Variants in SAV1 observed in about 807,000 individuals in gnomAD.
The protein encoded by SAV1 is protein salvador homolog 1.
In SAV1, 23 loss-of-function variants were observed where a neutral mutation model predicts 47.3. The ratio of observed to expected loss-of-function variants is 0.49; its 90% CI spans 0.35 to 0.69. SAV1 has a LOEUF of 0.69. Among genes scored for constraint, SAV1 ranks in the 30% least tolerant of loss-of-function variants. The probability of loss-of-function intolerance (pLI) is 0.01; values close to 1 mark genes in which losing one functional copy is unlikely to be tolerated. For synonymous variants in SAV1, 155 were observed against 159.2 expected, an observed-to-expected ratio of 0.97 and a Z score of 0.20; for missense variants, 448 against 457.4, an observed-to-expected ratio of 0.98 and a Z score of 0.19.
chr14:50,657,138 G>A (rs529264388), intron 2 of SAV1, among the ~76,000 whole-genome samples: 4 of 151,036 alleles, frequency 2.6e-5, no homozygotes, highest in South Asian at 4.2e-4. Context: ...TGGTTCAAGC[G>A]ATTCTCCTGC....
chr14:50,661,458 A>G (rs1195172811), intron 2 of SAV1, among the ~76,000 whole-genome samples: 1 of 152,154 alleles, frequency 6.6e-6, no homozygotes, highest in Non-Finnish European at 1.5e-5. Context: ...ATATAGTCCC[A>G]TATGTCTATT....
At chr14:50,649,986 A>C (rs1258245122) in intron 2 of SAV1, among the ~76,000 whole-genome samples, 1 of 152,244 alleles carries the variant, frequency 6.6e-6, no homozygotes, top group Non-Finnish European at 1.5e-5. Context: ...TTGGCTGGAA[A>C]CTAAGGCAAA....
chr14:50,640,302 G>A (rs2039670916), intron 4 of SAV1, among the ~76,000 whole-genome samples: 2 of 152,052 alleles, frequency 1.3e-5, no homozygotes, highest in South Asian at 2.1e-4. Flanking sequence ...ATTTTTCTGT[G>A]GAAATGGGGC....
intron 2 of SAV1, among the ~76,000 whole-genome samples, chr14:50,655,509 T>C (rs1445993555): frequency 2.0e-5 from 3 of 149,632 alleles, no homozygotes; most frequent in African/African-American, 7.4e-5. Context: ...CACTGCAACC[T>C]CCACCTCTCA....
At chr14:50,661,419 C>A (rs1037705598) in intron 2 of SAV1, among the ~76,000 whole-genome samples, 1 of 152,158 alleles carries the variant, frequency 6.6e-6, no homozygotes, top group Non-Finnish European at 1.5e-5. Flanking sequence ...TCTGTTGTTT[C>A]CTTTACTGTG....
chr14:50,654,525 C>T (rs1041542530), intron 2 of SAV1, among the ~76,000 whole-genome samples: 1 of 152,182 alleles, frequency 6.6e-6, no homozygotes. Flanking sequence ...CATGAGCAAT[C>T]ACTGATCACA....
chr14:50,639,205 T>C (rs1240942959), intron 4 of SAV1, among the ~76,000 whole-genome samples: 1 of 152,200 alleles, frequency 6.6e-6, no homozygotes, highest in Non-Finnish European at 1.5e-5. Context: ...CTAAATCAAG[T>C]TTTAGAAGTA....
chr14:50,651,032 AAAAG>A (rs1221210170), intron 2 of SAV1, among the ~76,000 whole-genome samples: 4 of 139,650 alleles, frequency 2.9e-5, no homozygotes, highest in Admixed American at 7.5e-5. Flanking sequence ...CAAAAAAAAA[AAAAG>A]AAAGAAAGAA....
At chr14:50,657,223 C>T (rs759142020) in intron 2 of SAV1, among the ~76,000 whole-genome samples, 10 of 151,908 alleles carry the variant, frequency 6.6e-5, no homozygotes, top group Non-Finnish European at 1.2e-4. Context: ...TTAGTAGAGA[C>T]GGGGTTTCAC....
intron 1 of SAV1, among the ~76,000 whole-genome samples, chr14:50,665,885 T>C (rs1335629891): frequency 6.6e-6 from 1 of 152,180 alleles, no homozygotes; most frequent in Non-Finnish European, 1.5e-5. Flanking sequence ...CATACTACCA[T>C]ACATAATATG....
chr14:50,653,593 G>A (rs779743330), intron 2 of SAV1, among the ~76,000 whole-genome samples: 1 of 152,072 alleles, frequency 6.6e-6, no homozygotes, highest in Non-Finnish European at 1.5e-5. Context: ...CTTTACGGCC[G>A]GACACGGTGG....
chr14:50,645,049 G>C, intron 2 of SAV1, 35 bp from the exon 3 acceptor site: 2 of 1,572,284 alleles, frequency 1.3e-6, no homozygotes, highest in Non-Finnish European at 1.7e-6. Flanking sequence ...AGAAGAAACA[G>C]AACAATTATT....
chr14:50,655,097 G>A (rs1566745287), intron 2 of SAV1, among the ~76,000 whole-genome samples: 1 of 152,158 alleles, frequency 6.6e-6, no homozygotes. Context: ...AGTTTAATAT[G>A]TATAGTTTAA....
chr14:50,638,944 T>G (rs2039659372), intron 4 of SAV1, among the ~76,000 whole-genome samples: 2 of 152,138 alleles, frequency 1.3e-5, no homozygotes, highest in Non-Finnish European at 2.9e-5. Context: ...ATTTTTTGTA[T>G]TTTTAGTAGA....
At chr14:50,651,022 C>CAA (rs553896878) in intron 2 of SAV1, among the ~76,000 whole-genome samples, 1 of 126,996 alleles carries the variant, frequency 7.9e-6, no homozygotes, top group African/African-American at 2.9e-5. Context: ...ACTCTGTCTC[C>CAA]AAAAAAAAAA....
At chr14:50,647,026 G>C (rs1054681275) in intron 2 of SAV1, among the ~76,000 whole-genome samples, 1 of 152,104 alleles carries the variant, frequency 6.6e-6, no homozygotes, top group African/African-American at 2.4e-5. Context: ...AAATGATGTT[G>C]CAACAACTGG....
intron 1 of SAV1, 68 bp from the exon 2 acceptor site, chr14:50,665,687 A>G: frequency 7.4e-7 from 1 of 1,354,636 alleles, no homozygotes; most frequent in Non-Finnish European, 9.9e-7. Flanking sequence ...AAATTTGTTC[A>G]TTTATGTCTA....
chr14:50,654,933 C>A (rs554463725), intron 2 of SAV1, among the ~76,000 whole-genome samples: 1 of 152,254 alleles, frequency 6.6e-6, no homozygotes, highest in South Asian at 2.1e-4. Flanking sequence ...GATGCAAGAA[C>A]AAAAACAGAT....
intron 2 of SAV1, among the ~76,000 whole-genome samples, chr14:50,653,194 T>C (rs1433874809): frequency 6.6e-6 from 1 of 152,184 alleles, no homozygotes; most frequent in African/African-American, 2.4e-5. Flanking sequence ...CAGTACACTC[T>C]GGAATGAATC....
Sources: gnomAD v4.1 joint callset for allele counts (sites outside exome capture counted in the v4.1 genomes callset) on GRCh38, gnomAD v4.1.1 for gene constraint, MANE v1.5 for transcripts, NCBI Gene and HGNC (gene_info 2026-07-23, HGNC 2026-07-21) for gene names.